The following SEMA5A variants were observed in gnomAD, a reference collection of about 807,000 sequenced individuals.
The protein encoded by SEMA5A is semaphorin-5A.
In SEMA5A, 55 loss-of-function variants were observed where a neutral mutation model predicts 135.5. The ratio of observed to expected loss-of-function variants is 0.41; its 90% CI spans 0.33 to 0.51. The LOEUF is 0.51. Ranked by LOEUF, SEMA5A falls within the 20% of genes least tolerant of loss-of-function variation. The pLI, the probability that SEMA5A is intolerant of heterozygous loss-of-function variation, is 0.37. For synonymous variants in SEMA5A, 580 were observed against 546.5 expected, an observed-to-expected ratio of 1.06 and a Z score of -0.85; for missense variants, 1,290 against 1,419.9, an observed-to-expected ratio of 0.91 and a Z score of 1.47.
At chr5:9,295,545 AAGGAGG>A (rs895684660) in intron 5 of SEMA5A, among the ~76,000 whole-genome samples, 3 of 151,796 alleles carry the variant, frequency 2.0e-5, no homozygotes, top group African/African-American at 7.3e-5. Flanking sequence ...AGTGATGGGG[AAGGAGG>A]AGGAGGAGGA....
intron 16 of SEMA5A, among the ~76,000 whole-genome samples, chr5:9,097,601 G>T (rs1336792184): frequency 6.6e-6 from 1 of 152,178 alleles, no homozygotes; most frequent in Non-Finnish European, 1.5e-5. Context: ...TAATGTCTCA[G>T]GTGATCTCCA....
intron 6 of SEMA5A, 26 bp from the exon 7 acceptor site, chr5:9,226,993 A>G (rs1179493530): frequency 8.4e-7 from 1 of 1,187,494 alleles, no homozygotes; most frequent in Non-Finnish European, 1.1e-6. Flanking sequence ...TAAATTAATT[A>G]AAAATATATA....
intron 11 of SEMA5A, among the ~76,000 whole-genome samples, chr5:9,157,558 G>T (rs909308498): frequency 6.6e-6 from 1 of 152,092 alleles, no homozygotes; most frequent in Non-Finnish European, 1.5e-5. Context: ...TGTCATCCCT[G>T]CCACTCCTGC....
intron 16 of SEMA5A, among the ~76,000 whole-genome samples, chr5:9,087,340 A>G (rs908592562): frequency 1.3e-5 from 2 of 152,134 alleles, no homozygotes; most frequent in Admixed American, 1.3e-4. Context: ...ATGATATAAA[A>G]CAGTTCATTT....
chr5:9,359,517 C>T (rs548644192), intron 3 of SEMA5A, among the ~76,000 whole-genome samples: 13 of 152,262 alleles, frequency 8.5e-5, no homozygotes, highest in African/African-American at 2.9e-4. Flanking sequence ...CTAGCATAAC[C>T]AGACTGAAGC....
chr5:9,294,386 C>T (rs2036267608), intron 5 of SEMA5A, among the ~76,000 whole-genome samples: 1 of 152,190 alleles, frequency 6.6e-6, no homozygotes, highest in African/African-American at 2.4e-5. Context: ...GCAGGGGACC[C>T]TGGCCTTCGT....
chr5:9,162,185 T>C (rs541645898), intron 11 of SEMA5A, among the ~76,000 whole-genome samples: 1 of 152,304 alleles, frequency 6.6e-6, no homozygotes, highest in Admixed American at 6.5e-5. Context: ...ATAGCTTCTG[T>C]GTCTCTTTTA....
At chr5:9,544,900 C>T (rs1249032481) in intron 1 of SEMA5A, among the ~76,000 whole-genome samples, 1 of 152,170 alleles carries the variant, frequency 6.6e-6, no homozygotes, top group Middle Eastern at 3.2e-3. Context: ...CCCGATCTGC[C>T]CGAAACCCTG....
At chr5:9,048,136 C>T (rs1370861749) in intron 21 of SEMA5A, among the ~76,000 whole-genome samples, 7 of 152,198 alleles carry the variant, frequency 4.6e-5, no homozygotes, top group Non-Finnish European at 1.0e-4. Context: ...AGGCAGCAGA[C>T]AGTCCTGGAC....
Position 9,118,992 on chromosome 5 carries a change from A to G in SEMA5A, c.1925+6T>C, listed in dbSNP as rs2150177524. The G allele has an allele frequency of 1.9e-6, 3 of 1,612,454 alleles. No homozygotes were observed. The highest frequency in any genetic ancestry group is 2.5e-6 in the Non-Finnish European group (3 of 1,179,432). On this transcript the variant is annotated splice_donor_region_variant and intron_variant, in intron 15 of 22. Coordinates refer to ENST00000382496, the MANE Select transcript of SEMA5A (RefSeq NM_003966.3). The stretch of plus-strand genomic sequence containing the variant: ...TGGCGGTGCTGGCAGCAGGGTGGGC[A>G]CGTACCTTTCCTCGCGGTTCTGTCC...
intron 2 of SEMA5A, among the ~76,000 whole-genome samples, chr5:9,392,502 T>TAAA (rs1756206618): frequency 6.6e-6 from 1 of 152,274 alleles, no homozygotes; most frequent in African/African-American, 2.4e-5. Flanking sequence ...TGGGACAGAA[T>TAAA]AAAATATATT....
chr5:9,089,105 G>A (rs1738891540), intron 16 of SEMA5A, among the ~76,000 whole-genome samples: 1 of 152,194 alleles, frequency 6.6e-6, no homozygotes, highest in African/African-American at 2.4e-5. Context: ...TGTGAGACTT[G>A]AGAAGACTGT....
chr5:9,209,035 C>A (rs1561023819), intron 8 of SEMA5A, among the ~76,000 whole-genome samples: 1 of 152,274 alleles, frequency 6.6e-6, no homozygotes, highest in East Asian at 1.9e-4. Context: ...ATTGAAAATA[C>A]ACTACTTTCA....
At position 9,320,778 on chromosome 5, in the gene SEMA5A, G is replaced by A. The variant is rs1752594976; in HGVS notation, c.225-2361C>T. Among the ~76,000 whole-genome samples, 5 of 152,292 alleles carry A rather than the reference G, an allele frequency of 3.3e-5. 2 individuals are homozygous for A. In the South Asian group the frequency reaches 1.0e-3, roughly 32 times the overall value. Reference sequence around the variant, plus strand: ...GTGAACTTGGTGCACATACAGAAGAGTATGTTGAAGCAGCCAAGGTAGGTG... The same window carrying A: ...GTGAACTTGGTGCACATACAGAAGAATATGTTGAAGCAGCCAAGGTAGGTG... On this transcript the variant is annotated intron_variant, in intron 4 of 22. Coordinates refer to ENST00000382496, the MANE Select transcript of SEMA5A (RefSeq NM_003966.3).
chr5:9,417,120 A>T (rs2126620630), intron 2 of SEMA5A, among the ~76,000 whole-genome samples: 1 of 152,390 alleles, frequency 6.6e-6, no homozygotes, highest in East Asian at 1.9e-4. Context: ...ATGCAGAAAA[A>T]TAAGAGAGGC....
At chr5:9,293,569 G>A (rs1751190363) in intron 5 of SEMA5A, among the ~76,000 whole-genome samples, 1 of 152,144 alleles carries the variant, frequency 6.6e-6, no homozygotes, top group Non-Finnish European at 1.5e-5. Flanking sequence ...TCTAATACAT[G>A]TTATTAAATT....
At chr5:9,224,604 C>T in intron 8 of SEMA5A, 70 bp downstream of exon 8, 2 of 1,437,328 alleles carry the variant, frequency 1.4e-6, no homozygotes, top group African/African-American at 1.4e-5. Context: ...TTGTAGTTTG[C>T]TTTTGAGCAC....
chr5:9,318,225 G>A (rs766345900), intron 5 of SEMA5A, 147 bp downstream of exon 5: 13 of 589,532 alleles, frequency 2.2e-5, no homozygotes, highest in Non-Finnish European at 3.2e-5. Context: ...AAGTAGGGCC[G>A]CCTTAGTCCC....
At chr5:9,160,964 A>T (rs577020614) in intron 11 of SEMA5A, among the ~76,000 whole-genome samples, 15 of 152,286 alleles carry the variant, frequency 9.8e-5, no homozygotes, top group Non-Finnish European at 1.8e-4. Context: ...ACAAAAAGAA[A>T]TTACCCCCAA....
Sources: gnomAD v4.1 joint callset for allele counts (sites outside exome capture counted in the v4.1 genomes callset) on GRCh38, gnomAD v4.1.1 for gene constraint, MANE v1.5 for transcripts, NCBI Gene and HGNC (gene_info 2026-07-23, HGNC 2026-07-21) for gene names.